Variants in BACE2 observed in about 807,000 individuals in gnomAD.
BACE2 encodes the protein beta-secretase 2.
A neutral mutation model predicts 46.2 loss-of-function variants in BACE2; 17 were observed. The ratio of observed to expected loss-of-function variants is 0.37; its 90% confidence interval spans 0.25 to 0.55. BACE2 has a LOEUF of 0.55. Ranked by LOEUF, BACE2 falls within the 20% of genes least tolerant of loss-of-function variation. The pLI, the probability that BACE2 is intolerant of heterozygous loss-of-function variation, is 0.82. For missense variants in BACE2, 595 were observed against 698.1 expected, an observed-to-expected ratio of 0.85 and a Z score of 1.66; for synonymous variants, 277 against 295.9, an observed-to-expected ratio of 0.94 and a Z score of 0.66.
chr21:41,235,745 G>A (rs1987099164), intron 2 of BACE2, among the ~76,000 whole-genome samples: 1 of 152,264 alleles, frequency 6.6e-6, no homozygotes, highest in Admixed American at 6.5e-5. Flanking sequence ...AGTAGGCAGA[G>A]GTGGGAGGAT....
At chr21:41,246,192 T>C in intron 6 of BACE2, 129 bp downstream of exon 6, 2 of 533,694 alleles carry the variant, frequency 3.7e-6, no homozygotes, top group Non-Finnish European at 6.4e-6. Flanking sequence ...TATTGTGTAT[T>C]TGTATATTTT....
intron 1 of BACE2, among the ~76,000 whole-genome samples, chr21:41,218,288 G>T (rs1986535771): frequency 6.6e-6 from 1 of 152,182 alleles, no homozygotes; most frequent in East Asian, 1.9e-4. Context: ...AATACTCACT[G>T]TTGAAATACA....
intron 1 of BACE2, among the ~76,000 whole-genome samples, chr21:41,225,189 G>A (rs147593781): frequency 8.6e-5 from 13 of 151,004 alleles, no homozygotes; most frequent in East Asian, 5.8e-4. Context: ...AGCCGAGATC[G>A]TGCCACTGCA....
intron 1 of BACE2, among the ~76,000 whole-genome samples, chr21:41,199,480 T>C (rs1183457065): frequency 1.3e-5 from 2 of 152,148 alleles, no homozygotes; most frequent in African/African-American, 4.8e-5. Context: ...GTGTCTTGTC[T>C]GGGTGCCCCG....
At chr21:41,204,989 A>G (rs977663324) in intron 1 of BACE2, among the ~76,000 whole-genome samples, 5 of 152,190 alleles carry the variant, frequency 3.3e-5, no homozygotes, top group Admixed American at 6.5e-5. Context: ...GCCTTATATG[A>G]GCCACATAGA....
chr21:41,224,552 C>G lies in BACE2; in HGVS notation c.313-1714C>G, dbSNP rs568543556. On this transcript the variant is annotated intron_variant, in intron 1 of 8. Transcript: ENST00000330333. ...TTTTCAACCTTTTGGGCTATATCTA[C>G]GTGGTCTGTGTTTATTTCTAAAAGA... is the stretch of plus-strand genomic sequence containing the variant. 6.6e-5 allele frequency among the ~76,000 whole-genome samples: 10 copies of G among 152,322 alleles called. No homozygotes were observed. The South Asian group carries it at 2.1e-3, about 32-fold the overall frequency.
At chr21:41,169,633 A>G (rs985234510) in intron 1 of BACE2, among the ~76,000 whole-genome samples, 5 of 152,158 alleles carry the variant, frequency 3.3e-5, no homozygotes, top group Non-Finnish European at 4.4e-5. Flanking sequence ...GAACATACTC[A>G]TGACTTTTGT....
At chr21:41,221,046 A>T (rs78334172) in intron 1 of BACE2, among the ~76,000 whole-genome samples, 1 of 71,692 alleles carries the variant, frequency 1.4e-5, no homozygotes, top group East Asian at 2.0e-4. Flanking sequence ...AAGTATATTA[A>T]AAAAAAAAAA....
At chr21:41,175,365 C>T (rs1984784165) in intron 1 of BACE2, 1 of 152,280 alleles carries the variant, frequency 6.6e-6, no homozygotes, top group African/African-American at 2.4e-5. Flanking sequence ...GCAGCTCCAT[C>T]ATTCCAGGGT....
intron 1 of BACE2, chr21:41,182,528 A>AG (rs767009191): frequency 1.2e-5 from 2 of 166,980 alleles, no homozygotes; most frequent in Non-Finnish European, 1.5e-5. Context: ...TCTAAAGGGG[A>AG]GGGGGGAAGG....
At chr21:41,181,594 A>T (rs1985126300) in intron 1 of BACE2, 1 of 167,094 alleles carries the variant, frequency 6.0e-6, no homozygotes, top group African/African-American at 2.4e-5. Context: ...CATTAATGCA[A>T]GAGTGGATGC....
intron 6 of BACE2, chr21:41,246,321 T>C: frequency 4.6e-6 from 1 of 217,768 alleles, no homozygotes; most frequent in Non-Finnish European, 8.9e-6. Context: ...TTCTTTGATG[T>C]TAGCAAATAG....
At position 41,203,790 on chromosome 21, in the gene BACE2, G is replaced by A. The variant is rs1445492465; in HGVS notation, c.313-22476G>A. On this transcript the variant is annotated intron_variant, in intron 1 of 8. Coordinates refer to ENST00000330333, the MANE Select transcript of BACE2 (RefSeq NM_012105.5). ...GGTCAGTAAAGGGCCCCAAGGAGGA[G>A]GAGCCTGGTGAGGCAAGATACCTGA... is the stretch of plus-strand genomic sequence containing the variant. Among the ~76,000 whole-genome samples, 6 of 152,220 alleles carry A rather than the reference G, an allele frequency of 3.9e-5. No homozygotes were observed. In the South Asian group the frequency reaches 8.3e-4, roughly 21 times the overall value.
At chr21:41,254,436 G>A (rs975747638) in intron 7 of BACE2, among the ~76,000 whole-genome samples, 2 of 152,126 alleles carry the variant, frequency 1.3e-5, no homozygotes, top group Non-Finnish European at 1.5e-5. Context: ...CTGTGTATTC[G>A]TGTGTCTGCC....
chr21:41,262,885 T>C (rs1011689333), intron 8 of BACE2, among the ~76,000 whole-genome samples: 5 of 152,168 alleles, frequency 3.3e-5, no homozygotes, highest in African/African-American at 1.2e-4. Context: ...TTTCTAGAAA[T>C]GGTTTTTAGA....
chr21:41,252,928 C>T (rs1987681205), intron 7 of BACE2, among the ~76,000 whole-genome samples: 1 of 152,182 alleles, frequency 6.6e-6, no homozygotes, highest in African/African-American at 2.4e-5. Flanking sequence ...ATACCACGCT[C>T]TCAGGAGAGG....
At chr21:41,168,682 T>C in intron 1 of BACE2, 107 bp downstream of exon 1, 2 of 497,870 alleles carry the variant, frequency 4.0e-6, no homozygotes, top group Non-Finnish European at 5.6e-6. Flanking sequence ...GCAGCAGCTG[T>C]CCCCGCACAG....
chr21:41,203,309 A>G (rs1478114240), intron 1 of BACE2, among the ~76,000 whole-genome samples: 3 of 151,928 alleles, frequency 2.0e-5, no homozygotes, highest in Non-Finnish European at 4.4e-5. Context: ...GGAGCTCTGG[A>G]GCAGAGACCT....
chr21:41,197,212 C>T (rs1025584789), intron 1 of BACE2, among the ~76,000 whole-genome samples: 8 of 151,688 alleles, frequency 5.3e-5, no homozygotes, highest in Admixed American at 2.6e-4. Context: ...CTCCCACCTT[C>T]GCCTCCCGAA....
Sources: gnomAD v4.1 joint callset for allele counts (sites outside exome capture counted in the v4.1 genomes callset) on GRCh38, gnomAD v4.1.1 for gene constraint, MANE v1.5 for transcripts, NCBI Gene and HGNC (gene_info 2026-07-23, HGNC 2026-07-21) for gene names.